GINS1: variants seen among roughly 807,000 people sequenced by gnomAD.
GINS1 encodes the protein DNA replication complex GINS protein PSF1.
A neutral mutation model predicts 34.9 loss-of-function variants in GINS1; 26 were observed. The observed-to-expected ratio is 0.74, with a 90% CI of 0.55 to 1.03. GINS1 has a LOEUF of 1.03. Ranked by LOEUF, GINS1 falls within the 50% of genes least tolerant of loss-of-function variation. GINS1 has a pLI of 0.00. For synonymous variants in GINS1, 97 were observed against 84.4 expected, an observed-to-expected ratio of 1.15 and a Z score of -0.82; for missense variants, 235 against 237.9, an observed-to-expected ratio of 0.99 and a Z score of 0.08.
At chr20:25,424,833 C>T (rs2500441) in intron 4 of GINS1, among the ~76,000 whole-genome samples, 128,667 of 152,210 alleles carry the variant, frequency 0.85, 54,662 homozygotes, top group African/African-American at 0.92. Flanking sequence ...CATTCATCAG[C>T]TGGTGGACAT....
In GINS1 at chr20:25,446,159, T is replaced by C; in HGVS notation, c.*168T>C. On this transcript the variant is annotated 3_prime_UTR_variant, in exon 7 of 7. Coordinates refer to ENST00000262460, the MANE Select transcript of GINS1 (RefSeq NM_021067.5). ...TATAATTTGCTAACTATTAAGGACT[T>C]TCTTTTTTTAATGTTGTACACTATT... The C allele has an allele frequency of 2.1e-6, 1 of 476,140 alleles. No individual in the cohort carries two copies. Among genetic ancestry groups the C allele is most frequent in the Non-Finnish European group, 3.7e-6 (1 of 268,758 alleles). 29.5% of individuals were successfully genotyped at this position (476,140 alleles called of 1,614,324 possible).
At position 25,447,443 on chromosome 20, in the gene GINS1, G is replaced by A. The variant is rs753197290; in HGVS notation, c.*1452G>A. 1 of 152,152 alleles carries A rather than the reference G, an allele frequency of 6.6e-6. No individual in the cohort carries two copies. Among genetic ancestry groups the A allele is most frequent in the Non-Finnish European group, 1.5e-5 (1 of 68,008 alleles). 9.4% of individuals were successfully genotyped at this position (152,152 alleles called of 1,614,324 possible). A position where few individuals can be genotyped will look rare whatever the true frequency, so the allele number is the denominator to read the frequency against. ...CTGTTTCACTACCATTTTTTGAAAG[G>A]ACTGCCCTTTGCTCTATCACCTTTG... On this transcript the variant is annotated 3_prime_UTR_variant, in exon 7 of 7. Coordinates refer to ENST00000262460, the MANE Select transcript of GINS1 (RefSeq NM_021067.5).
intron 5 of GINS1, among the ~76,000 whole-genome samples, chr20:25,428,007 G>T (rs111296325): frequency 1.3e-5 from 2 of 151,550 alleles, no homozygotes; most frequent in Non-Finnish European, 2.9e-5. Flanking sequence ...GAGTAGCTGG[G>T]ATTACAGGCA....
At chr20:25,433,192 A>G (rs899226040) in intron 5 of GINS1, among the ~76,000 whole-genome samples, 2 of 152,004 alleles carry the variant, frequency 1.3e-5, no homozygotes, top group Non-Finnish European at 2.9e-5. Flanking sequence ...ATAAGGAAGG[A>G]CTTCTGTCAT....
intron 3 of GINS1, 74 bp downstream of exon 3, chr20:25,417,276 A>G (rs2090327077): frequency 1.3e-6 from 1 of 747,872 alleles, no homozygotes; most frequent in African/African-American, 1.8e-5. Context: ...TCAAATGGGT[A>G]ACATGAAATC....
chr20:25,411,903 A>G (rs933603844), intron 1 of GINS1, among the ~76,000 whole-genome samples: 1 of 151,672 alleles, frequency 6.6e-6, no homozygotes, highest in Non-Finnish European at 1.5e-5. Context: ...AGATTGCACC[A>G]TTGTACTCCA....
intron 5 of GINS1, among the ~76,000 whole-genome samples, chr20:25,434,056 G>T (rs2090440945): frequency 6.6e-6 from 1 of 151,882 alleles, no homozygotes. Context: ...GTCCGAGGTG[G>T]GTGGATTGCG....
At chr20:25,433,326 C>T (rs2090437452) in intron 5 of GINS1, among the ~76,000 whole-genome samples, 1 of 151,806 alleles carries the variant, frequency 6.6e-6, no homozygotes, top group African/African-American at 2.4e-5. Flanking sequence ...TTTTTTGAAA[C>T]ATTTAGATTT....
chr20:25,413,107 T>C (rs374690051), intron 1 of GINS1, among the ~76,000 whole-genome samples: 10 of 151,962 alleles, frequency 6.6e-5, no homozygotes, highest in South Asian at 2.1e-4. Flanking sequence ...TTGCTCAGGC[T>C]GGAGTGCAAT....
In GINS1 at chr20:25,441,972, ATTAAT is replaced by A. The variant is rs1376178074; in HGVS notation, c.522+200_522+204del. Among the ~76,000 whole-genome samples the A allele has an allele frequency of 2.6e-5, 4 of 152,192 alleles. No individual in the cohort carries two copies. In the East Asian group the frequency reaches 7.7e-4, roughly 29 times the overall value. The stretch of plus-strand genomic sequence containing the variant: ...AAATGTTGCATATAATAAAAGATTC[ATTAAT>A]TTAGTAGGATATTGCTTATATTTAA... On this transcript the variant is annotated intron_variant, in intron 6 of 6. Transcript: ENST00000262460.
chr20:25,445,148 C>G (rs998096338), intron 6 of GINS1, among the ~76,000 whole-genome samples: 3 of 152,260 alleles, frequency 2.0e-5, no homozygotes, highest in African/African-American at 7.2e-5. Context: ...GAATTCCATA[C>G]AGCTCTAAAT....
chr20:25,421,115 T>C (rs1188241107), intron 4 of GINS1: 1 of 190,312 alleles, frequency 5.3e-6, no homozygotes, highest in Non-Finnish European at 9.7e-6. Context: ...TAAATTCAGA[T>C]CCCTGCCTTG....
intron 5 of GINS1, among the ~76,000 whole-genome samples, chr20:25,428,488 C>G (rs1387907652): frequency 7.2e-6 from 1 of 139,484 alleles, no homozygotes; most frequent in Non-Finnish European, 1.5e-5. Flanking sequence ...ACTGCAAGCT[C>G]TGCCTCCTGG....
intron 1 of GINS1, among the ~76,000 whole-genome samples, chr20:25,408,712 G>C (rs1264380591): frequency 1.3e-5 from 2 of 152,042 alleles, no homozygotes; most frequent in Non-Finnish European, 2.9e-5. Flanking sequence ...ATAACTTTTT[G>C]ATGTTTAAAC....
chr20:25,425,730 G>C (rs2500436), intron 5 of GINS1, among the ~76,000 whole-genome samples: 90,353 of 151,668 alleles, frequency 0.6, 27,997 homozygotes, highest in African/African-American at 0.72. Flanking sequence ...GAAAATCAAT[G>C]CTAAATTTTG....
At chr20:25,440,927 T>C (rs1178196847) in intron 5 of GINS1, among the ~76,000 whole-genome samples, 2 of 152,100 alleles carry the variant, frequency 1.3e-5, no homozygotes, top group Non-Finnish European at 2.9e-5. Flanking sequence ...CTTGGTAAGG[T>C]TCCGGAGGGA....
rs2090302806 is a variant in GINS1, at chr20:25,413,801, C to G, written c.87C>G (p.Leu29=). ...TTTATATGTTCTAGGAGGATGGACT[C>G]AGACAAGTTCTGGAGGAGATGAAAG... The part of the protein sequence containing the change: ...GQLPAFNEDG[L]RQVLEEMKAL... Residue 29 remains leucine, a synonymous_variant, in exon 2 of 7, where the codon CTC becomes CTG. Transcript: ENST00000262460. The G allele has an allele frequency of 1.3e-6, 2 of 1,579,186 alleles. No homozygotes were observed. The highest frequency in any genetic ancestry group is 2.7e-5 in the African/African-American group (2 of 74,244).
intron 4 of GINS1, chr20:25,421,008 G>A (rs2090352155): frequency 1.0e-6 from 1 of 971,348 alleles, no homozygotes; most frequent in Non-Finnish European, 1.2e-6. Context: ...ACAGCTTATA[G>A]GAGCCTATGA....
chr20:25,415,616 C>T (rs1448619513), intron 2 of GINS1, among the ~76,000 whole-genome samples: 2 of 141,422 alleles, frequency 1.4e-5, no homozygotes, highest in African/African-American at 2.7e-5. Context: ...ACCTGGGAGG[C>T]GGAGGTTGTG....
Sources: allele counts gnomAD v4.1 joint callset (sites outside exome capture counted in the v4.1 genomes callset), GRCh38; gene constraint gnomAD v4.1.1; transcripts MANE v1.5; gene names NCBI Gene and HGNC (gene_info 2026-07-23, HGNC 2026-07-21).